Variants in AKAP12 observed in about 807,000 individuals in gnomAD.
The protein encoded by AKAP12 is A-kinase anchor protein 12.
AKAP12 carries 32 observed loss-of-function variants against 79.9 expected under a neutral mutation model. The ratio of observed to expected loss-of-function variants is 0.40; its 90% CI spans 0.30 to 0.54. The LOEUF is 0.54. AKAP12 is among the 20% of genes least tolerant of loss of function. The probability of loss-of-function intolerance (pLI) is 0.48; values close to 1 mark genes in which losing one functional copy is unlikely to be tolerated. For synonymous variants in AKAP12, 808 were observed against 857.0 expected (o/e 0.94, Z 1.00); for missense variants, 2,074 against 2,177.0 (o/e 0.95, Z 0.94).
intron 2 of AKAP12, among the ~76,000 whole-genome samples, chr6:151,295,546 C>T (rs894145755): frequency 2.0e-5 from 3 of 152,254 alleles, no homozygotes; most frequent in East Asian, 1.9e-4. Context: ...CCGTTCCAGC[C>T]GCCTTCCTTA....
intron 2 of AKAP12, among the ~76,000 whole-genome samples, chr6:151,261,752 T>A (rs868239255): frequency 1.3e-3 from 193 of 149,870 alleles, no homozygotes; most frequent in African/African-American, 3.9e-3. Context: ...TTTATTTATT[T>A]ATTTATTTAT....
chr6:151,338,455 ATTT>A (rs57653308), intron 3 of AKAP12, among the ~76,000 whole-genome samples: 40 of 143,632 alleles, frequency 2.8e-4, no homozygotes, highest in African/African-American at 9.7e-4. Flanking sequence ...TAGGTTACTC[ATTT>A]TTTTTTTTTT....
chr6:151,243,347 C>T (rs62441472), intron 2 of AKAP12, among the ~76,000 whole-genome samples: 6,477 of 152,308 alleles, frequency 0.043, 428 homozygotes, highest in East Asian at 0.3. Context: ...TATCTAATAG[C>T]TGACATTTAT....
chr6:151,312,179 T>C (rs1057095077), intron 3 of AKAP12, among the ~76,000 whole-genome samples: 2 of 152,216 alleles, frequency 1.3e-5, no homozygotes, highest in African/African-American at 2.4e-5. Flanking sequence ...GGCTAAAATA[T>C]AAGAATCAAG....
At position 151,352,794 on chromosome 6, in the gene AKAP12, C is replaced by G. The variant is rs995510753; in HGVS notation, c.4403C>G (p.Pro1468Arg). 9.9e-6 allele frequency: 16 copies of G among 1,614,048 alleles called. No homozygotes were observed. The highest frequency in any genetic ancestry group is 1.2e-5 in the Non-Finnish European group (14 of 1,180,044). ...AAAAATGAAGACTTTGCCGCTCATC[C>G]AGGGGAAGATGCTGTGCCCACAGGG... is the stretch of plus-strand genomic sequence containing the variant. ...SEKNEDFAAH[P>R]GEDAVPTGPD... is the part of the protein sequence containing the mutation. The change falls in exon 4 of 5, where the codon CCA becomes CGA. Residue 1468 changes from proline (P) to arginine (R), a missense_variant. Transcript: ENST00000402676.
intron 3 of AKAP12, among the ~76,000 whole-genome samples, chr6:151,338,151 A>C (rs887452893): frequency 5.9e-5 from 9 of 152,214 alleles, no homozygotes. Context: ...ACCACAGTAC[A>C]GTTATTGACA....
chr6:151,319,385 A>G (rs934910766), intron 3 of AKAP12, among the ~76,000 whole-genome samples: 2 of 151,642 alleles, frequency 1.3e-5, no homozygotes, highest in African/African-American at 2.4e-5. Context: ...GTGTATAGAT[A>G]GATAGATACA....
At chr6:151,322,750 T>G (rs3798769) in intron 3 of AKAP12, among the ~76,000 whole-genome samples, 1 of 145,744 alleles carries the variant, frequency 6.9e-6, no homozygotes, top group Non-Finnish European at 1.5e-5. Context: ...CACCCACTCC[T>G]GCCACTGGGT....
At chr6:151,312,270 AG>A (rs1161341134) in intron 3 of AKAP12, among the ~76,000 whole-genome samples, 1 of 151,964 alleles carries the variant, frequency 6.6e-6, no homozygotes, top group East Asian at 1.9e-4. Flanking sequence ...CAGGAGTTCG[AG>A]ACCAATCTGG....
In AKAP12 at chr6:151,257,289, T is replaced by C. The variant is rs151126347; in HGVS notation, c.162+16565T>C. Among the ~76,000 whole-genome samples, 595 of 152,160 alleles carry C rather than the reference T, an allele frequency of 3.9e-3. 4 individuals are homozygous for C. The highest frequency in any genetic ancestry group is 0.014 in the African/African-American group (568 of 41,486). ...GCACTTAATGTTTAGCTCCTATTTA[T>C]TTATTCATTTATTTGTATTTTATTT... On this transcript the variant is annotated intron_variant, in intron 2 of 4. Transcript: ENST00000402676.
Position 151,350,181 on chromosome 6 carries a change from C to T in AKAP12, c.1790C>T (p.Thr597Ile). The T allele has an allele frequency of 1.9e-6, 3 of 1,613,918 alleles. No individual in the cohort carries two copies. The highest frequency in any genetic ancestry group is 1.6e-4 in the Middle Eastern group (1 of 6,062). ...GATGGGGAAGCTGAAGAAGGAGCTA[C>T]TTCCGATGGAGAGAAAAAAAGAGAA... ...QQDGEAEEGATSDGEKKREGV... is the reference protein window; with the variant it reads ...QQDGEAEEGAISDGEKKREGV... The change falls in exon 4 of 5, where the codon ACT becomes ATT. Residue 597 changes from threonine to isoleucine, a missense_variant. Coordinates refer to ENST00000402676, the MANE Select transcript of AKAP12 (RefSeq NM_005100.4). The surrounding 1 kb of genome is among the most constrained non-coding windows in gnomAD (Gnocchi z 4.8).
intron 2 of AKAP12, among the ~76,000 whole-genome samples, chr6:151,257,383 G>C (rs1228387614): frequency 1.3e-5 from 2 of 152,084 alleles, no homozygotes; most frequent in African/African-American, 4.8e-5. Context: ...TGAAACCTCT[G>C]CCTCCCAGGT....
chr6:151,285,879 A>ATT (rs11427563), intron 2 of AKAP12, among the ~76,000 whole-genome samples: 252 of 144,896 alleles, frequency 1.7e-3, no homozygotes, highest in Middle Eastern at 3.6e-3. Context: ...GGAGGTGATA[A>ATT]TTTTTTTTTT....
Position 151,353,972 on chromosome 6 carries a change from G to A in AKAP12, c.*12+220G>A, listed in dbSNP as rs372068497. Among the ~76,000 whole-genome samples the A allele has an allele frequency of 3.4e-4, 52 of 152,178 alleles. No individual in the cohort carries two copies. The South Asian group carries it at 8.5e-3, about 25-fold the overall frequency. ...TCGATGTTATGAAAAGAACGACTTCGTTTTACCTCCTAATGTGACTGCTTT... is the reference window on the plus strand; with the variant it reads ...TCGATGTTATGAAAAGAACGACTTCATTTTACCTCCTAATGTGACTGCTTT... On this transcript the variant is annotated intron_variant, in intron 4 of 4. Coordinates refer to ENST00000402676, the MANE Select transcript of AKAP12 (RefSeq NM_005100.4).
chr6:151,271,963 C>T (rs1419875702), intron 2 of AKAP12, among the ~76,000 whole-genome samples: 6 of 152,120 alleles, frequency 3.9e-5, no homozygotes, highest in African/African-American at 7.2e-5. Flanking sequence ...CCCAGCCCAA[C>T]GTTAATTTAA....
chr6:151,343,406 C>T (rs935660709), intron 3 of AKAP12, among the ~76,000 whole-genome samples: 4 of 152,080 alleles, frequency 2.6e-5, no homozygotes, highest in African/African-American at 9.7e-5. Flanking sequence ...TCTTTTTTCT[C>T]TAGTATATTT....
At chr6:151,275,766 C>T (rs1369009333) in intron 2 of AKAP12, among the ~76,000 whole-genome samples, 1 of 152,224 alleles carries the variant, frequency 6.6e-6, no homozygotes, top group South Asian at 2.1e-4. Context: ...CATTTTCCTT[C>T]CATCAAATGT....
At chr6:151,323,972 A>G in intron 3 of AKAP12, 1 of 985,324 alleles carries the variant, frequency 1.0e-6, no homozygotes, top group Non-Finnish European at 1.2e-6. Context: ...CCCTGATGCA[A>G]CATCCCAAGT....
Position 151,351,897 on chromosome 6 carries a change from G to GT in AKAP12, c.3507dup (p.Glu1170Ter). 1 of 1,614,102 alleles carries GT rather than the reference G, an allele frequency of 6.2e-7. No individual in the cohort carries two copies. Among genetic ancestry groups the GT allele is most frequent in the Non-Finnish European group, 8.5e-7 (1 of 1,180,014 alleles). On this transcript the variant is annotated frameshift_variant, in exon 4 of 5. Coordinates refer to ENST00000402676, the MANE Select transcript of AKAP12 (RefSeq NM_005100.4). LOFTEE classifies it low-confidence loss of function (END_TRUNC). The surrounding 1 kb of genome is among the most constrained non-coding windows in gnomAD (Gnocchi z 4.4). ...GACTCGGTGGAAACCCCTACAGACA[G>GT]TGAGACTGATGGAAGCACCCCCGTA... is the stretch of plus-strand genomic sequence containing the variant.
Sources: gnomAD v4.1 joint callset for allele counts (sites outside exome capture counted in the v4.1 genomes callset) on GRCh38, gnomAD v4.1.1 for gene constraint, Gnocchi (gnomAD v3.1) non-coding constraint, MANE v1.5 for transcripts, NCBI Gene and HGNC (gene_info 2026-07-23, HGNC 2026-07-21) for gene names.